Variants in GPC4 observed in about 807,000 individuals in gnomAD.
GPC4 encodes glypican-4.
A neutral mutation model predicts 35.0 loss-of-function variants in GPC4; 10 were observed. That is an observed-to-expected ratio of 0.29 (90% CI 0.18 to 0.48). The LOEUF (loss-of-function observed/expected upper bound fraction) is 0.48, where lower values mean the gene tolerates loss of function less well. Ranked by LOEUF, GPC4 falls within the 20% of genes least tolerant of loss-of-function variation. The pLI is 0.99. For missense variants in GPC4, 322 were observed against 451.3 expected, an observed-to-expected ratio of 0.71 and a Z score of 2.60; for synonymous variants, 167 against 170.2, an observed-to-expected ratio of 0.98 and a Z score of 0.15.
intron 2 of GPC4, among the ~76,000 whole-genome samples, chrX:133,337,033 G>A (rs2068447309): frequency 9.0e-6 from 1 of 111,062 alleles, no homozygotes; most frequent in African/African-American, 3.3e-5. Context: ...TGCTCAGGCT[G>A]GTCTCGAACT....
chrX:133,367,029 G>A (rs772140269), intron 1 of GPC4, among the ~76,000 whole-genome samples: 5 of 111,910 alleles, frequency 4.5e-5, no homozygotes, highest in African/African-American at 1.6e-4. Context: ...AAACCTCTAG[G>A]GGGTATCTGG....
At position 133,404,546 on chromosome X, in the gene GPC4, C is replaced by CAA. The variant is rs766777711; in HGVS notation, c.160+10258_160+10259dup. ...TGGGCAATAGAGCAAGACTCTGCCTCAAAAAAAAAAAAAAAAAAAGAAGGT... is the reference window on the plus strand; with the variant it reads ...TGGGCAATAGAGCAAGACTCTGCCTCAAAAAAAAAAAAAAAAAAAAAGAAGGT... On this transcript the variant is annotated intron_variant, in intron 1 of 8. Transcript: ENST00000370828. 6.4e-4 allele frequency among the ~76,000 whole-genome samples: 24 copies of CAA among 37,377 alleles called. 1 individual carries two copies. The East Asian group carries it at 6.9e-3, about 11-fold the overall frequency. 32.5% of individuals were successfully genotyped at this position (37,377 alleles called of 115,157 possible).
intron 1 of GPC4, among the ~76,000 whole-genome samples, chrX:133,340,722 T>G (rs2068463102): frequency 8.9e-6 from 1 of 112,146 alleles, no homozygotes; most frequent in Non-Finnish European, 1.9e-5. Context: ...AAAATTGAGC[T>G]GGCAATTTAT....
At chrX:133,353,916 T>G (rs1166168701) in intron 1 of GPC4, among the ~76,000 whole-genome samples, 1 of 111,563 alleles carries the variant, frequency 9.0e-6, no homozygotes, top group African/African-American at 3.3e-5. Context: ...ACACAGAGCC[T>G]GCAGATGGCA....
intron 2 of GPC4, among the ~76,000 whole-genome samples, chrX:133,326,267 G>C (rs959858425): frequency 8.1e-5 from 9 of 111,452 alleles, no homozygotes; most frequent in Middle Eastern, 4.7e-3. Flanking sequence ...AACAATATAA[G>C]AAGCATACCA....
intron 1 of GPC4, among the ~76,000 whole-genome samples, chrX:133,407,289 A>G (rs2068793159): frequency 9.0e-6 from 1 of 110,747 alleles, no homozygotes; most frequent in African/African-American, 3.3e-5. Flanking sequence ...TTGACAACAA[A>G]TTTGCCAGAG....
intron 1 of GPC4, among the ~76,000 whole-genome samples, chrX:133,344,521 G>A (rs1012109132): frequency 2.7e-5 from 3 of 109,772 alleles, no homozygotes; most frequent in African/African-American, 3.3e-5. Flanking sequence ...CACCACGCCC[G>A]GTGACTATTT....
chrX:133,325,289 A>C (rs7885152), intron 2 of GPC4, among the ~76,000 whole-genome samples: 1 of 106,349 alleles, frequency 9.4e-6, no homozygotes, highest in African/African-American at 3.4e-5. Flanking sequence ...TGTGTGTGTG[A>C]GAGAGAGAGA....
chrX:133,319,692 C>CAT (rs2068355758), intron 3 of GPC4, among the ~76,000 whole-genome samples: 1 of 110,137 alleles, frequency 9.1e-6, no homozygotes, highest in South Asian at 3.9e-4. Context: ...GGTGGGAACC[C>CAT]ATATATATAA....
chrX:133,339,478 G>C, intron 1 of GPC4, 137 bp from the exon 2 acceptor site: 2 of 461,828 alleles, frequency 4.3e-6, no homozygotes, highest in Non-Finnish European at 6.9e-6. Context: ...ACAAGTTCCA[G>C]GAAGTCTAAA....
chrX:133,311,867 C>G (rs2068315971), intron 3 of GPC4, among the ~76,000 whole-genome samples: 1 of 112,101 alleles, frequency 8.9e-6, no homozygotes, highest in African/African-American at 3.2e-5. Flanking sequence ...CAGACTGGAA[C>G]AGAAGCACAT....
At chrX:133,390,304 G>A (rs142280149) in intron 1 of GPC4, among the ~76,000 whole-genome samples, 36 of 111,326 alleles carry the variant, frequency 3.2e-4, no homozygotes, top group African/African-American at 1.1e-3. Context: ...ATGAATTAGC[G>A]TATTAACTAA....
At chrX:133,307,854 G>C (rs2068297468) in intron 4 of GPC4, among the ~76,000 whole-genome samples, 2 of 112,240 alleles carry the variant, frequency 1.8e-5, no homozygotes, top group Admixed American at 1.9e-4. Flanking sequence ...CTAGTGGCAA[G>C]GAATGGCCAG....
intron 7 of GPC4, 111 bp from the exon 8 acceptor site, chrX:133,303,452 G>A (rs978443487): frequency 3.4e-5 from 21 of 613,327 alleles, no homozygotes; most frequent in Non-Finnish European, 4.7e-5. Context: ...GATTATACAA[G>A]AGGTTATCAA....
intron 1 of GPC4, among the ~76,000 whole-genome samples, chrX:133,376,044 T>A (rs146675689): frequency 0.014 from 1,589 of 111,794 alleles, 35 homozygotes; most frequent in African/African-American, 0.049. Flanking sequence ...TATAGCCAAG[T>A]CTCCCCAGGG....
At chrX:133,413,480 A>G (rs1351152254) in intron 1 of GPC4, among the ~76,000 whole-genome samples, 1 of 112,047 alleles carries the variant, frequency 8.9e-6, no homozygotes, top group East Asian at 2.8e-4. Context: ...ATGACCCCCA[A>G]ATCTTCCTAA....
In GPC4 at chrX:133,381,403, C is replaced by T. The variant is rs1208757391; in HGVS notation, c.160+33403G>A. 3.6e-5 allele frequency among the ~76,000 whole-genome samples: 4 copies of T among 112,197 alleles called. No individual in the cohort carries two copies. The East Asian group carries it at 1.1e-3, about 31-fold the overall frequency. On this transcript the variant is annotated intron_variant, in intron 1 of 8. Coordinates refer to ENST00000370828, the MANE Select transcript of GPC4 (RefSeq NM_001448.3). ...AATAGGAGGTGAATGCAGGAAACCGCAACCAGCTGTACCCAGCCATGTAGA... is the reference window on the plus strand; with the variant it reads ...AATAGGAGGTGAATGCAGGAAACCGTAACCAGCTGTACCCAGCCATGTAGA...
chrX:133,400,008 G>C lies in GPC4; in HGVS notation c.160+14798C>G, dbSNP rs1388790531. On this transcript the variant is annotated intron_variant, in intron 1 of 8. Transcript: ENST00000370828. ...CTCTGTCCCAAAACAAAAACAACCA[G>C]AAACCAGAATCCTCTCTTTGGTCTC... Among the ~76,000 whole-genome samples the C allele has an allele frequency of 2.7e-5, 3 of 112,003 alleles. No homozygotes were observed. The East Asian group carries it at 8.5e-4, about 32-fold the overall frequency.
intron 1 of GPC4, among the ~76,000 whole-genome samples, chrX:133,368,904 C>T (rs2068600857): frequency 9.0e-6 from 1 of 111,135 alleles, no homozygotes; most frequent in African/African-American, 3.3e-5. Context: ...CCTTGGCCTC[C>T]CAACGTGCTG....
Sources: allele counts gnomAD v4.1 joint callset (sites outside exome capture counted in the v4.1 genomes callset), GRCh38; gene constraint gnomAD v4.1.1; transcripts MANE v1.5; gene names NCBI Gene and HGNC (gene_info 2026-07-23, HGNC 2026-07-21).